The following CDC27 variants were observed in gnomAD, a reference collection of about 807,000 sequenced individuals.
CDC27 encodes the protein cell division cycle protein 27 homolog.
CDC27 carries 27 observed loss-of-function variants against 109.7 expected under a neutral mutation model. The ratio of observed to expected loss-of-function variants is 0.25; its 90% CI spans 0.18 to 0.34. The LOEUF (loss-of-function observed/expected upper bound fraction) is 0.34. Among genes scored for constraint, CDC27 ranks in the 10% least tolerant of loss-of-function variants. CDC27 has a pLI of 1.00. For missense variants in CDC27, 579 were observed against 960.2 expected, an observed-to-expected ratio of 0.60 and a Z score of 5.25; for synonymous variants, 266 against 333.9, an observed-to-expected ratio of 0.80 and a Z score of 2.22.
In CDC27 at chr17:47,118,355, C is replaced by A. The variant is rs897705499; in HGVS notation, c.*2580G>T. The A allele has an allele frequency of 3.9e-5, 6 of 152,694 alleles. No individual in the cohort carries two copies. Among genetic ancestry groups the A allele is most frequent in the African/African-American group, 1.4e-4 (6 of 41,560 alleles). 9.5% of individuals were successfully genotyped at this position (152,694 alleles called of 1,614,324 possible). ...TACAGAAAATGTAGGGACCACCTTT[C>A]ATTCTTTTGAGTACCACTGTTCTCT... On this transcript the variant is annotated 3_prime_UTR_variant, in exon 19 of 19. Transcript: ENST00000066544.
intron 1 of CDC27, among the ~76,000 whole-genome samples, chr17:47,185,150 G>T (rs557377432): frequency 3.2e-4 from 48 of 151,944 alleles, no homozygotes; most frequent in Admixed American, 1.1e-3. Flanking sequence ...TCTATAAGTT[G>T]TACTTAGACT....
intron 4 of CDC27, among the ~76,000 whole-genome samples, chr17:47,169,605 A>G (rs1256836267): frequency 6.7e-6 from 1 of 150,312 alleles, no homozygotes; most frequent in South Asian, 2.1e-4. Flanking sequence ...AGATCACACC[A>G]TTGCACTCCA....
rs563697468 is a variant in CDC27, at chr17:47,166,240, A to T, written c.377+3677T>A. Among the ~76,000 whole-genome samples the T allele has an allele frequency of 6.2e-4, 95 of 152,280 alleles. 1 individual carries two copies. Among genetic ancestry groups the T allele is most frequent in the South Asian group, 2.3e-3 (11 of 4,824 alleles). Reference sequence around the variant, plus strand: ...CTTCTTGTTCTGTTTTCTGGAAGAGATTATGTAGCATTAGGGAAGACTTTT... The same window carrying T: ...CTTCTTGTTCTGTTTTCTGGAAGAGTTTATGTAGCATTAGGGAAGACTTTT... On this transcript the variant is annotated intron_variant, in intron 4 of 18. Coordinates refer to ENST00000066544, the MANE Select transcript of CDC27 (RefSeq NM_001256.6).
intron 16 of CDC27, among the ~76,000 whole-genome samples, chr17:47,127,329 GAAGA>G (rs1327879593): frequency 2.0e-5 from 3 of 152,162 alleles, no homozygotes; most frequent in Admixed American, 6.5e-5. Context: ...TCTTCATAAA[GAAGA>G]TAGAATAAAA....
At chr17:47,135,956 T>G (rs1296495334) in intron 14 of CDC27, among the ~76,000 whole-genome samples, 1 of 151,918 alleles carries the variant, frequency 6.6e-6, no homozygotes, top group African/African-American at 2.4e-5. Context: ...CTGGCTAACA[T>G]GGTGAAATCC....
chr17:47,187,851 T>TAA lies in CDC27; in HGVS notation c.27+1293_27+1294dup, dbSNP rs5820646. ...ATAATTACCTCATCTACAGCCAGAATAAAAAAAAATCTTAAAAGAAACTAT... is the reference window on the plus strand; with the variant it reads ...ATAATTACCTCATCTACAGCCAGAATAAAAAAAAAAATCTTAAAAGAAACTAT... On this transcript the variant is annotated intron_variant, in intron 1 of 18. Coordinates refer to ENST00000066544, the MANE Select transcript of CDC27 (RefSeq NM_001256.6). 2.3e-3 allele frequency among the ~76,000 whole-genome samples: 338 copies of TAA among 150,156 alleles called. 1 individual carries two copies. The highest frequency in any genetic ancestry group is 7.1e-3 in the African/African-American group (292 of 41,168).
At chr17:47,133,884 G>A (rs147507965) in intron 14 of CDC27, among the ~76,000 whole-genome samples, 108 of 152,150 alleles carry the variant, frequency 7.1e-4, no homozygotes, top group African/African-American at 2.5e-3. Flanking sequence ...AAGTAGCTGG[G>A]ATTACAGGCA....
chr17:47,125,539 C>T (rs1449235215), intron 16 of CDC27, among the ~76,000 whole-genome samples: 2 of 151,676 alleles, frequency 1.3e-5, no homozygotes, highest in African/African-American at 4.8e-5. Context: ...AGCCATCATG[C>T]CTAGCCTTTA....
chr17:47,158,343 C>A, intron 4 of CDC27, 40 bp from the exon 5 acceptor site: 4 of 1,028,042 alleles, frequency 3.9e-6, no homozygotes, highest in Non-Finnish European at 5.6e-6. Context: ...GCTACAAACC[C>A]CAAAACCTGT....
intron 4 of CDC27, among the ~76,000 whole-genome samples, chr17:47,168,909 A>C (rs2063727331): frequency 6.6e-6 from 1 of 150,926 alleles, no homozygotes. Context: ...CACTTCTCCC[A>C]CGGGGGAGAA....
chr17:47,181,017 C>T (rs1236183178), intron 2 of CDC27, among the ~76,000 whole-genome samples: 6 of 143,208 alleles, frequency 4.2e-5, no homozygotes, highest in African/African-American at 7.8e-5. Flanking sequence ...TTTGGGAGGC[C>T]AAGGCAGGTG....
chr17:47,133,028 TACACACACACAC>T (rs71138587), intron 14 of CDC27, among the ~76,000 whole-genome samples: 1 of 29,834 alleles, frequency 3.4e-5, no homozygotes, highest in East Asian at 9.3e-4. Flanking sequence ...TATATATATA[TACACACACACAC>T]ACACACACAC....
chr17:47,156,032 A>T (rs2063293088), intron 7 of CDC27, among the ~76,000 whole-genome samples: 3 of 152,236 alleles, frequency 2.0e-5, no homozygotes, highest in Admixed American at 1.3e-4. Flanking sequence ...TGCCCTGATT[A>T]TAACATTTCA....
chr17:47,120,999 T>A lies in CDC27; in HGVS notation c.2411A>T (p.Gln804Leu). The change falls in exon 19 of 19, where the codon CAG becomes CTG. Residue 804 changes from glutamine to leucine, a missense_variant. By Grantham distance (113) the Gln-to-Leu change is moderately radical. Transcript: ENST00000066544. Reference protein sequence around the residue: ...EEQIMGTDESQESSMTDADDT... With the variant: ...EEQIMGTDESLESSMTDADDT... ...ATCCGCATCTGTCATGCTGCTCTCC[T>A]GGGATTCATCTGTTCCCACTTTAAA... is the stretch of plus-strand genomic sequence containing the variant. 6.2e-7 allele frequency: 1 copy of A among 1,611,748 alleles called. No homozygotes were observed. The highest frequency in any genetic ancestry group is 8.5e-7 in the Non-Finnish European group (1 of 1,178,462).
chr17:47,134,357 T>A, intron 14 of CDC27, among the ~76,000 whole-genome samples: 1 of 150,816 alleles, frequency 6.6e-6, no homozygotes, highest in South Asian at 2.1e-4. Flanking sequence ...CGGGCTGGAG[T>A]GCAATGGCGT....
intron 4 of CDC27, among the ~76,000 whole-genome samples, chr17:47,161,524 G>A (rs1400841908): frequency 6.6e-6 from 1 of 152,174 alleles, no homozygotes; most frequent in African/African-American, 2.4e-5. Context: ...GCCAAGGCAG[G>A]TGGATCACTT....
chr17:47,156,851 T>C (rs975914935), intron 7 of CDC27, 62 bp downstream of exon 7: 2 of 575,478 alleles, frequency 3.5e-6, no homozygotes, highest in Non-Finnish European at 6.2e-6. Context: ...TTACTAACAA[T>C]ATGAGTTATC....
chr17:47,150,740 G>C (rs985042048), intron 9 of CDC27, among the ~76,000 whole-genome samples: 18 of 152,130 alleles, frequency 1.2e-4, no homozygotes, highest in Non-Finnish European at 1.2e-4. Flanking sequence ...AAATTATTAA[G>C]AGTGAATGTT....
In CDC27 at chr17:47,137,729, C is replaced by T. The variant is rs532357338; in HGVS notation, c.1705-369G>A. On this transcript the variant is annotated intron_variant, in intron 13 of 18. Transcript: ENST00000066544. ...AGCTTTGGCTCTGGGGACAGTTGGA[C>T]AGAATTTGAATCCCACTGCTGGCAC... is the stretch of plus-strand genomic sequence containing the variant. Among the ~76,000 whole-genome samples, 6 of 151,836 alleles carry T rather than the reference C, an allele frequency of 4.0e-5. No individual in the cohort carries two copies. The East Asian group carries it at 1.2e-3, about 29-fold the overall frequency.
Sources: gnomAD v4.1 joint callset for allele counts (sites outside exome capture counted in the v4.1 genomes callset) on GRCh38, gnomAD v4.1.1 for gene constraint, MANE v1.5 for transcripts, NCBI Gene and HGNC (gene_info 2026-07-23, HGNC 2026-07-21) for gene names.